The following DLG2 variants were observed in gnomAD, a reference collection of about 807,000 sequenced individuals.
DLG2 encodes the protein disks large homolog 2.
In DLG2, 45 loss-of-function variants were observed where a neutral mutation model predicts 132.5. That is an observed-to-expected ratio of 0.34 (90% CI 0.27 to 0.44). The LOEUF (loss-of-function observed/expected upper bound fraction) is 0.44, where lower values mean the gene tolerates loss of function less well. DLG2 is among the 20% of genes least tolerant of loss of function. The pLI, the probability that DLG2 is intolerant of heterozygous loss-of-function variation, is 1.00. For missense variants in DLG2, 1,045 were observed against 1,196.9 expected, an observed-to-expected ratio of 0.87 and a Z score of 1.87; for synonymous variants, 424 against 419.6, an observed-to-expected ratio of 1.01 and a Z score of -0.13.
At chr11:84,342,300 G>A (rs2098518660) in intron 7 of DLG2, among the ~76,000 whole-genome samples, 1 of 152,182 alleles carries the variant, frequency 6.6e-6, no homozygotes, top group Non-Finnish European at 1.5e-5. Context: ...AGAAAGGAAT[G>A]CCCACCTACA....
chr11:85,171,326 C>A (rs1437655605), intron 4 of DLG2, among the ~76,000 whole-genome samples: 1 of 152,148 alleles, frequency 6.6e-6, no homozygotes, highest in Non-Finnish European at 1.5e-5. Context: ...ACCCCCACCT[C>A]CAGCCAAGGG....
At chr11:84,862,061 A>T (rs1391008414) in intron 6 of DLG2, among the ~76,000 whole-genome samples, 4 of 150,098 alleles carry the variant, frequency 2.7e-5, no homozygotes, top group Non-Finnish European at 1.5e-5. Flanking sequence ...GGGGAGGGAT[A>T]GCACTGGGAG....
At chr11:84,680,310 A>G (rs1347730645) in intron 6 of DLG2, among the ~76,000 whole-genome samples, 1 of 152,088 alleles carries the variant, frequency 6.6e-6, no homozygotes, top group African/African-American at 2.4e-5. Context: ...ACAAAAATCT[A>G]GGCTACAAAA....
At position 83,457,819 on chromosome 11, in the gene DLG2, A is replaced by T. The variant is rs1312403454; in HGVS notation, c.*1999T>A. 2 of 152,634 alleles carry T rather than the reference A, an allele frequency of 1.3e-5. No homozygotes were observed. Among genetic ancestry groups the T allele is most frequent in the Non-Finnish European group, 2.9e-5 (2 of 68,042 alleles). The allele number at this position is 152,634 out of a possible 1,614,324, so 9.5% of individuals were successfully genotyped here. A position where few individuals can be genotyped will look rare whatever the true frequency, so the allele number is the denominator to read the frequency against. ...TTTAACATTTTGAGCAATCTAAGGA[A>T]GTCTCTGGAAATTTAACTTTCATGA... On this transcript the variant is annotated 3_prime_UTR_variant, in exon 28 of 28. Transcript: ENST00000376104.
intron 18 of DLG2, among the ~76,000 whole-genome samples, chr11:83,662,653 T>A (rs1313225094): frequency 6.6e-6 from 1 of 152,210 alleles, no homozygotes; most frequent in African/African-American, 2.4e-5. Context: ...ACATAGGAGG[T>A]GCCTGTTCTG....
At chr11:83,534,227 G>A (rs944581267) in intron 20 of DLG2, among the ~76,000 whole-genome samples, 3 of 152,088 alleles carry the variant, frequency 2.0e-5, no homozygotes, top group Non-Finnish European at 2.9e-5. Context: ...TGCATATACA[G>A]GGTTGTATGT....
intron 7 of DLG2, among the ~76,000 whole-genome samples, chr11:84,533,354 A>G (rs1290593175): frequency 1.3e-5 from 2 of 152,224 alleles, no homozygotes; most frequent in Admixed American, 1.3e-4. Context: ...CTCCAGGTTA[A>G]ACATACTCAT....
At chr11:84,209,895 T>A (rs1166136072) in intron 8 of DLG2, among the ~76,000 whole-genome samples, 1 of 152,226 alleles carries the variant, frequency 6.6e-6, no homozygotes, top group Non-Finnish European at 1.5e-5. Flanking sequence ...ACCAAAATGT[T>A]GGGCAGGTTC....
At chr11:84,702,175 C>T (rs569374629) in intron 6 of DLG2, among the ~76,000 whole-genome samples, 2 of 151,780 alleles carry the variant, frequency 1.3e-5, no homozygotes, top group African/African-American at 4.8e-5. Flanking sequence ...TCCTGTGGTA[C>T]TAAACCTCTT....
At chr11:85,133,641 A>C (rs2075910584) in intron 5 of DLG2, among the ~76,000 whole-genome samples, 1 of 151,386 alleles carries the variant, frequency 6.6e-6, no homozygotes, top group South Asian at 2.1e-4. Flanking sequence ...TGAACATATA[A>C]ATGAATATTA....
chr11:83,633,782 A>ACACACACACACAC (rs1555268407), intron 18 of DLG2, among the ~76,000 whole-genome samples: 1 of 148,010 alleles, frequency 6.8e-6, no homozygotes, highest in Admixed American at 6.8e-5. Context: ...ACACACACAC[A>ACACACACACACAC]ACTGCGGAAA....
chr11:84,746,318 C>G (rs1031191125), intron 6 of DLG2, among the ~76,000 whole-genome samples: 1 of 150,460 alleles, frequency 6.6e-6, no homozygotes, highest in Non-Finnish European at 1.5e-5. Flanking sequence ...GAAACTGATG[C>G]TTCAAAATAA....
In DLG2 at chr11:83,541,224, A is replaced by AT. The variant is rs1458140871; in HGVS notation, c.2117+457dup. ...CCTGAATTTGAGATGAAGGTTTTCC[A>AT]TTTTTTTCTACTAATATTTGGAGAT... On this transcript the variant is annotated intron_variant, in intron 20 of 27. Transcript: ENST00000376104. Among the ~76,000 whole-genome samples, 114 of 152,196 alleles carry AT rather than the reference A, an allele frequency of 7.5e-4. 2 individuals are homozygous for AT. Among genetic ancestry groups the AT allele is most frequent in the African/African-American group, 2.6e-3 (110 of 41,518 alleles).
chr11:84,899,926 G>A (rs969593876), intron 6 of DLG2, among the ~76,000 whole-genome samples: 3 of 152,026 alleles, frequency 2.0e-5, no homozygotes, highest in African/African-American at 7.2e-5. Flanking sequence ...GTAAACTGCA[G>A]CTTCAGTGCA....
chr11:84,461,714 G>A (rs756223252), intron 7 of DLG2, among the ~76,000 whole-genome samples: 13 of 150,866 alleles, frequency 8.6e-5, no homozygotes, highest in East Asian at 2.0e-4. Context: ...AAAGTTAACT[G>A]GCAGGGCTTC....
chr11:84,084,642 C>T (rs2096949801), intron 10 of DLG2, among the ~76,000 whole-genome samples: 1 of 152,178 alleles, frequency 6.6e-6, no homozygotes, highest in Non-Finnish European at 1.5e-5. Flanking sequence ...CTCAACTGGG[C>T]TTTGACCTTG....
At chr11:84,974,931 AT>A (rs769802106) in intron 6 of DLG2, among the ~76,000 whole-genome samples, 46 of 152,320 alleles carry the variant, frequency 3.0e-4, no homozygotes, top group Admixed American at 7.8e-4. Flanking sequence ...AAATGATTTA[AT>A]TTGATCTCCA....
rs1412137073 is a variant in DLG2, at chr11:84,780,484, A to C, written c.358-245753T>G. ...GAACTGGAACAAAGATATATTTCTC[A>C]GATTGCTGGATTTATGGTAAGTTTA... On this transcript the variant is annotated intron_variant, in intron 6 of 27. Coordinates refer to ENST00000376104, the MANE Select transcript of DLG2 (RefSeq NM_001142699.3). 3.3e-5 allele frequency among the ~76,000 whole-genome samples: 5 copies of C among 152,152 alleles called. No homozygotes were observed. The East Asian group carries it at 9.6e-4, about 29-fold the overall frequency.
intron 6 of DLG2, among the ~76,000 whole-genome samples, chr11:85,078,859 A>G (rs2066884314): frequency 6.6e-6 from 1 of 152,132 alleles, no homozygotes; most frequent in South Asian, 2.1e-4. Flanking sequence ...GATCCTAAAT[A>G]AAATGCGTTC....
Sources: gnomAD v4.1 joint callset for allele counts (sites outside exome capture counted in the v4.1 genomes callset) on GRCh38, gnomAD v4.1.1 for gene constraint, MANE v1.5 for transcripts, NCBI Gene and HGNC (gene_info 2026-07-23, HGNC 2026-07-21) for gene names.